The following STARD13 variants were observed in gnomAD, a reference collection of about 807,000 sequenced individuals.
STARD13 encodes stAR-related lipid transfer protein 13.
In STARD13, 62 loss-of-function variants were observed where a neutral mutation model predicts 106.4. That is an observed-to-expected ratio of 0.58 (90% CI 0.48 to 0.72). STARD13 has a LOEUF of 0.72. Ranked by LOEUF, STARD13 falls within the 30% of genes least tolerant of loss-of-function variation. The pLI is 0.00. For synonymous variants in STARD13, 565 were observed against 553.0 expected, an observed-to-expected ratio of 1.02 and a Z score of -0.31; for missense variants, 1,387 against 1,424.0, an observed-to-expected ratio of 0.97 and a Z score of 0.42.
At chr13:33,525,677 A>T in the STARD13 span, among the ~76,000 whole-genome samples, 1 of 152,130 alleles carries the variant, frequency 6.6e-6, no homozygotes, top group Non-Finnish European at 1.5e-5. Context: ...AGAAGCCTCT[A>T]CTGCAATGTT....
At chr13:33,529,825 A>C in the STARD13 span, among the ~76,000 whole-genome samples, 1 of 152,182 alleles carries the variant, frequency 6.6e-6, no homozygotes, top group South Asian at 2.1e-4. Context: ...TGTTCAAAGA[A>C]TAGTGAGGAT....
the STARD13 span, among the ~76,000 whole-genome samples, chr13:33,379,930 A>T: frequency 6.6e-6 from 1 of 152,378 alleles, no homozygotes; most frequent in East Asian, 1.9e-4. Flanking sequence ...GCTAAGGATG[A>T]AAAATGAATA....
At chr13:33,316,936 T>C (rs1438980158) in intron 1 of STARD13, among the ~76,000 whole-genome samples, 3 of 152,114 alleles carry the variant, frequency 2.0e-5, no homozygotes, top group Non-Finnish European at 4.4e-5. Flanking sequence ...CTCTCAGAAG[T>C]TTTTTGACAC....
At chr13:33,534,990 C>A in the STARD13 span, among the ~76,000 whole-genome samples, 2 of 151,910 alleles carry the variant, frequency 1.3e-5, no homozygotes, top group African/African-American at 4.8e-5. Flanking sequence ...CTGAGGCGGG[C>A]GGATCACCTG....
chr13:33,452,874 T>C, the STARD13 span, among the ~76,000 whole-genome samples: 4 of 152,230 alleles, frequency 2.6e-5, no homozygotes. Context: ...TCAACTATTA[T>C]ATTCAGTTTC....
At chr13:33,492,211 A>C in the STARD13 span, among the ~76,000 whole-genome samples, 4 of 152,202 alleles carry the variant, frequency 2.6e-5, no homozygotes, top group Non-Finnish European at 5.9e-5. Context: ...GTATATGTGC[A>C]GGTCACAGGG....
the STARD13 span, among the ~76,000 whole-genome samples, chr13:33,582,898 A>C: frequency 1.3e-5 from 2 of 152,160 alleles, no homozygotes; most frequent in Admixed American, 6.5e-5. Flanking sequence ...CAAAAACTGG[A>C]ATCACATTTC....
At chr13:33,262,729 G>A (rs17765011) in intron 1 of STARD13, among the ~76,000 whole-genome samples, 23,563 of 145,246 alleles carry the variant, frequency 0.16, 2,070 homozygotes, top group Non-Finnish European at 0.19. Flanking sequence ...TACAAGTCTC[G>A]ATCTGGGAGG....
chr13:33,248,106 TAAG>T (rs1889921960), intron 1 of STARD13, among the ~76,000 whole-genome samples: 1 of 152,122 alleles, frequency 6.6e-6, no homozygotes, highest in Admixed American at 6.5e-5. Flanking sequence ...GGGCTATCGT[TAAG>T]AAGAAGAAGG....
the STARD13 span, among the ~76,000 whole-genome samples, chr13:33,501,451 TCCTTG>T: frequency 6.6e-6 from 1 of 152,182 alleles, no homozygotes; most frequent in African/African-American, 2.4e-5. Flanking sequence ...AGTCATGAAA[TCCTTG>T]CCTATGCCTA....
the STARD13 span, among the ~76,000 whole-genome samples, chr13:33,480,244 A>C: frequency 6.6e-6 from 1 of 152,214 alleles, no homozygotes; most frequent in East Asian, 1.9e-4. Context: ...TAGAGATAGA[A>C]GCTAGGACTC....
At chr13:33,250,038 G>A (rs111241419) in intron 1 of STARD13, among the ~76,000 whole-genome samples, 3 of 152,154 alleles carry the variant, frequency 2.0e-5, no homozygotes, top group African/African-American at 7.2e-5. Context: ...TGATCCCCCC[G>A]TCTCAGCCTT....
chr13:33,602,259 T>C, the STARD13 span, among the ~76,000 whole-genome samples: 1 of 152,082 alleles, frequency 6.6e-6, no homozygotes, highest in African/African-American at 2.4e-5. Context: ...GCCCAGCTAA[T>C]TTTTTGTATT....
intron 1 of STARD13, among the ~76,000 whole-genome samples, chr13:33,262,638 A>AC (rs750644449): frequency 0.023 from 1,275 of 56,316 alleles, 14 homozygotes; most frequent in Non-Finnish European, 0.029. Flanking sequence ...CACACCCAGA[A>AC]CCCCCCCCCC....
chr13:33,118,372 C>T (rs1469188192), intron 7 of STARD13, 109 bp from the exon 8 acceptor site: 7 of 846,538 alleles, frequency 8.3e-6, no homozygotes, highest in Non-Finnish European at 1.4e-5. Flanking sequence ...CCAATTAGTA[C>T]ATGCTGAACT....
intron 3 of STARD13, among the ~76,000 whole-genome samples, chr13:33,155,069 C>G (rs574885625): frequency 1.3e-4 from 20 of 152,272 alleles, no homozygotes; most frequent in Admixed American, 3.3e-4. Context: ...CCCTGAGTGA[C>G]CTCATGCACT....
intron 1 of STARD13, among the ~76,000 whole-genome samples, chr13:33,317,288 C>T (rs1472966899): frequency 6.6e-6 from 1 of 152,172 alleles, no homozygotes; most frequent in African/African-American, 2.4e-5. Flanking sequence ...CTTTGCCAGG[C>T]TTCTCCAACT....
chr13:33,108,071 G>A (rs148891010), intron 12 of STARD13, among the ~76,000 whole-genome samples: 9 of 152,192 alleles, frequency 5.9e-5, no homozygotes, highest in Non-Finnish European at 2.9e-5. Flanking sequence ...GTGATAAATC[G>A]TGACGACTGA....
chr13:33,565,302 A>AT, the STARD13 span, among the ~76,000 whole-genome samples: 3 of 147,414 alleles, frequency 2.0e-5, no homozygotes, highest in Non-Finnish European at 4.5e-5. Flanking sequence ...GTTAATATTA[A>AT]TCAATTGTAC....
Sources: gnomAD v4.1 joint callset for allele counts (sites outside exome capture counted in the v4.1 genomes callset) on GRCh38, gnomAD v4.1.1 for gene constraint, MANE v1.5 for transcripts, NCBI Gene and HGNC (gene_info 2026-07-23, HGNC 2026-07-21) for gene names.